Variants in SLC36A1 observed in about 807,000 individuals in gnomAD.
SLC36A1 encodes the protein solute carrier family 36 member 1, also known as proton-coupled amino acid transporter 1.
Under a neutral mutation model 47.5 loss-of-function variants are expected in SLC36A1, and 30 were observed. The observed-to-expected ratio is 0.63, with a 90% CI of 0.47 to 0.86. The LOEUF (loss-of-function observed/expected upper bound fraction) is 0.86. Among genes scored for constraint, SLC36A1 ranks in the 40% least tolerant of loss-of-function variants. The pLI is 0.00. For synonymous variants in SLC36A1, 255 were observed against 249.7 expected, an observed-to-expected ratio of 1.02 and a Z score of -0.20; for missense variants, 517 against 606.0, an observed-to-expected ratio of 0.85 and a Z score of 1.54.
chr5:151,439,354 A>G (rs377462042), intron 1 of SLC36A1, among the ~76,000 whole-genome samples: 5 of 152,256 alleles, frequency 3.3e-5, no homozygotes, highest in African/African-American at 1.2e-4. Context: ...AAAAATCACA[A>G]TAAGAAATGT....
intron 1 of SLC36A1, among the ~76,000 whole-genome samples, chr5:151,450,207 G>A (rs952779101): frequency 3.9e-5 from 6 of 152,072 alleles, no homozygotes; most frequent in Non-Finnish European, 5.9e-5. Context: ...TAGAGTGGAC[G>A]GAGCAGATGT....
chr5:151,376,524 G>T, the SLC36A1 span, among the ~76,000 whole-genome samples: 1 of 152,016 alleles, frequency 6.6e-6, no homozygotes, highest in Non-Finnish European at 1.5e-5. Flanking sequence ...GTTAATTGGT[G>T]ATCTTTCTAT....
chr5:151,479,978 C>A, intron 10 of SLC36A1: 1 of 714,468 alleles, frequency 1.4e-6, no homozygotes. Context: ...AAATATGTTT[C>A]AGAAAATTTC....
chr5:151,527,164 A>G, the SLC36A1 span: 3 of 1,470,600 alleles, frequency 2.0e-6, no homozygotes, highest in South Asian at 3.9e-5. Context: ...AATGCCACTG[A>G]GGGGCATCTT....
the SLC36A1 span, among the ~76,000 whole-genome samples, chr5:151,425,997 T>TCTATCTATCTAC: frequency 6.6e-6 from 1 of 151,850 alleles, no homozygotes; most frequent in African/African-American, 2.4e-5. Context: ...TATCTATCTA[T>TCTATCTATCTAC]CTATCTATAC....
the SLC36A1 span, chr5:151,545,758 G>A: frequency 3.7e-6 from 6 of 1,614,150 alleles, no homozygotes; most frequent in Non-Finnish European, 5.1e-6. Context: ...GTCACTGTCA[G>A]AGGCATGAAT....
chr5:151,369,726 C>G, the SLC36A1 span, among the ~76,000 whole-genome samples: 1 of 152,238 alleles, frequency 6.6e-6, no homozygotes, highest in Non-Finnish European at 1.5e-5. Context: ...AAGCCATCCT[C>G]TCACCTCAGC....
chr5:151,381,087 A>T, the SLC36A1 span: 1 of 478,230 alleles, frequency 2.1e-6, no homozygotes, highest in Non-Finnish European at 3.9e-6. Flanking sequence ...CAGCCACACG[A>T]CCATGTCACC....
At chr5:151,473,127 A>G (rs763731134) in intron 7 of SLC36A1, among the ~76,000 whole-genome samples, 1 of 152,136 alleles carries the variant, frequency 6.6e-6, no homozygotes, top group Non-Finnish European at 1.5e-5. Context: ...GTGAGCCGAG[A>G]TCTCGCCACT....
At chr5:151,460,091 G>A (rs536640636) in intron 2 of SLC36A1, among the ~76,000 whole-genome samples, 45 of 152,270 alleles carry the variant, frequency 3.0e-4, no homozygotes, top group African/African-American at 9.4e-4. Context: ...GAGCACAGCT[G>A]GCAGCAGTGT....
the SLC36A1 span, among the ~76,000 whole-genome samples, chr5:151,353,165 T>C: frequency 1.3e-5 from 2 of 152,190 alleles, no homozygotes; most frequent in East Asian, 3.9e-4. Flanking sequence ...AAAACATATA[T>C]ATGTATGTGT....
chr5:151,416,421 G>A, the SLC36A1 span, among the ~76,000 whole-genome samples: 3 of 152,200 alleles, frequency 2.0e-5, no homozygotes, highest in East Asian at 1.9e-4. Flanking sequence ...AGACCACTCC[G>A]AAGGGCAGTT....
At chr5:151,494,017 G>A (rs77206978), downstream of SLC36A1, among the ~76,000 whole-genome samples, 1,008 of 152,116 alleles carry the variant, frequency 6.6e-3, 30 homozygotes, top group East Asian at 0.074. Context: ...CCTCTTTTAG[G>A]TTGTCTACCT....
chr5:151,406,322 C>A, the SLC36A1 span: 29 of 152,198 alleles, frequency 1.9e-4, no homozygotes, highest in African/African-American at 6.3e-4. Flanking sequence ...TGTCCAAGAT[C>A]CAATAGCTTG....
At chr5:151,443,481 T>A (rs1332272661), upstream of SLC36A1, among the ~76,000 whole-genome samples, 1 of 152,206 alleles carries the variant, frequency 6.6e-6, no homozygotes, top group East Asian at 1.9e-4. Flanking sequence ...TGGAGAAATG[T>A]TTATTCAGGT....
At chr5:151,395,967 G>A in the SLC36A1 span, among the ~76,000 whole-genome samples, 6 of 151,682 alleles carry the variant, frequency 4.0e-5, no homozygotes, top group African/African-American at 1.5e-4. Flanking sequence ...GCACCAACAT[G>A]GCTGGTTAAT....
At chr5:151,467,304 G>GAAAAAAAAAAAA in intron 6 of SLC36A1, 21 bp downstream of exon 6, 1 of 807,278 alleles carries the variant, frequency 1.2e-6, no homozygotes. Context: ...GGTTAAAAAA[G>GAAAAAAAAAAAA]AAAAAAAAAA....
the SLC36A1 span, chr5:151,542,924 T>A: frequency 6.2e-7 from 1 of 1,614,222 alleles, no homozygotes; most frequent in South Asian, 1.1e-5. Context: ...CCATCCTTGT[T>A]GCTCTCAGGT....
the SLC36A1 span, chr5:151,347,297 G>A: frequency 8.7e-6 from 14 of 1,614,172 alleles, no homozygotes; most frequent in East Asian, 4.5e-5. Flanking sequence ...CAGCACTCAC[G>A]TTATGCCCTT....
Sources: allele counts gnomAD v4.1 joint callset (sites outside exome capture counted in the v4.1 genomes callset), GRCh38; gene constraint gnomAD v4.1.1; transcripts MANE v1.5; gene names NCBI Gene and HGNC (gene_info 2026-07-23, HGNC 2026-07-21).